Variants in IGFBP2 observed in about 807,000 individuals in gnomAD.
IGFBP2 encodes the protein insulin-like growth factor-binding protein 2.
A neutral mutation model predicts 26.2 loss-of-function variants in IGFBP2; 12 were observed. The observed-to-expected ratio is 0.46, with a 90% confidence interval of 0.29 to 0.74. The LOEUF (loss-of-function observed/expected upper bound fraction) is 0.74, where lower values mean the gene tolerates loss of function less well. Among genes scored for constraint, IGFBP2 ranks in the 30% least tolerant of loss-of-function variants. The pLI, the probability that IGFBP2 is intolerant of heterozygous loss-of-function variation, is 0.09. For missense variants in IGFBP2, 328 were observed against 441.2 expected (o/e 0.74, Z 2.30); for synonymous variants, 189 against 200.6 (o/e 0.94, Z 0.49).
chr2:216,633,971 G>A lies in IGFBP2; in HGVS notation c.442+6G>A. The stretch of plus-strand genomic sequence containing the variant: ...CAGCCCGGAGCAGGTTGCAGGTAAC[G>A]CGGTCTGGAACAAGTAGTTGGGAGA... On this transcript the variant is annotated splice_donor_region_variant and intron_variant, in intron 1 of 3. Coordinates refer to ENST00000233809, the MANE Select transcript of IGFBP2 (RefSeq NM_000597.3). 1 of 1,594,284 alleles carries A rather than the reference G, an allele frequency of 6.3e-7. No homozygotes were observed. Among genetic ancestry groups the A allele is most frequent in the Non-Finnish European group, 8.5e-7 (1 of 1,171,466 alleles).
intron 1 of IGFBP2, among the ~76,000 whole-genome samples, chr2:216,656,665 C>T (rs1697928781): frequency 6.6e-6 from 1 of 152,186 alleles, no homozygotes; most frequent in Non-Finnish European, 1.5e-5. Context: ...TGAGCGGCTC[C>T]TTCCCAGAAG....
chr2:216,652,829 A>G (rs974991855), intron 1 of IGFBP2, among the ~76,000 whole-genome samples: 1 of 152,186 alleles, frequency 6.6e-6, no homozygotes, highest in Non-Finnish European at 1.5e-5. Flanking sequence ...CCCCTGGCCC[A>G]TTACTCAGAA....
intron 1 of IGFBP2, among the ~76,000 whole-genome samples, chr2:216,634,659 C>G (rs1410989711): frequency 1.3e-5 from 2 of 152,208 alleles, no homozygotes; most frequent in African/African-American, 4.8e-5. Context: ...GTAACTTAAG[C>G]CCGATCGCCG....
intron 1 of IGFBP2, among the ~76,000 whole-genome samples, chr2:216,645,745 A>G (rs545397373): frequency 2.0e-3 from 312 of 152,292 alleles, no homozygotes; most frequent in African/African-American, 7.2e-3. Flanking sequence ...AGTGTGGCTT[A>G]CCTGGACAGC....
chr2:216,661,651 A>G (rs745350213), intron 2 of IGFBP2: 15 of 647,378 alleles, frequency 2.3e-5, no homozygotes, highest in African/African-American at 5.4e-5. Flanking sequence ...CATCCATACA[A>G]TTTTCTTTAG....
intron 1 of IGFBP2, among the ~76,000 whole-genome samples, chr2:216,659,432 G>C (rs990139293): frequency 6.6e-6 from 1 of 152,338 alleles, no homozygotes; most frequent in South Asian, 2.1e-4. Flanking sequence ...GGACCTGCAG[G>C]AGAGCAGCTC....
chr2:216,662,297 T>G, intron 3 of IGFBP2: 1 of 406,116 alleles, frequency 2.5e-6, no homozygotes, highest in Admixed American at 3.9e-5. Context: ...CCAAGCATCT[T>G]TGCTTTGATC....
chr2:216,646,237 G>T (rs1697707570), intron 1 of IGFBP2, among the ~76,000 whole-genome samples: 1 of 152,214 alleles, frequency 6.6e-6, no homozygotes, highest in Non-Finnish European at 1.5e-5. Context: ...AGTGGAAGGG[G>T]AGGGTGGTGG....
In IGFBP2 at chr2:216,650,102, C is replaced by A. The variant is rs1697790418; in HGVS notation, c.443-10455C>A. Among the ~76,000 whole-genome samples the A allele has an allele frequency of 2.0e-5, 3 of 152,346 alleles. No individual in the cohort carries two copies. In the South Asian group the frequency reaches 6.2e-4, roughly 32 times the overall value. On this transcript the variant is annotated intron_variant, in intron 1 of 3. Transcript: ENST00000233809. ...GACAGAACAGAGAGAATCACAAAGG[C>A]ATGGGGGCCTGGCAATGCCAGAGCT...
intron 1 of IGFBP2, among the ~76,000 whole-genome samples, chr2:216,645,662 C>A (rs1365796220): frequency 6.6e-6 from 1 of 152,198 alleles, no homozygotes; most frequent in Non-Finnish European, 1.5e-5. Context: ...AGGAGAATGG[C>A]AGACACCGCT....
intron 1 of IGFBP2, among the ~76,000 whole-genome samples, chr2:216,658,612 C>T (rs573087633): frequency 2.6e-5 from 4 of 152,112 alleles, no homozygotes; most frequent in South Asian, 2.1e-4. Flanking sequence ...TACAATGGTG[C>T]GATCTCAGCT....
chr2:216,633,637 G>T lies in IGFBP2; in HGVS notation c.114G>T (p.Val38=). 1 of 1,050,234 alleles carries T rather than the reference G, an allele frequency of 9.5e-7. No homozygotes were observed. The highest frequency in any genetic ancestry group is 4.4e-5 in the South Asian group (1 of 22,916). The allele number at this position is 1,050,234 out of a possible 1,614,324, so 65.1% of individuals were successfully genotyped here. A position where few individuals can be genotyped will look rare whatever the true frequency, so the allele number is the denominator to read the frequency against. ...GCGGCGGCGGGGCGCGCGCGGAGGT[G>T]CTGTTCCGCTGCCCGCCCTGCACAC... ...SGGGGGARAE[V]LFRCPPCTPE... The change falls in exon 1 of 4, where the codon GTG becomes GTT. Residue 38 remains valine (V), a synonymous_variant. Coordinates refer to ENST00000233809, the MANE Select transcript of IGFBP2 (RefSeq NM_000597.3).
intron 1 of IGFBP2, among the ~76,000 whole-genome samples, chr2:216,656,122 C>T (rs576725297): frequency 6.6e-6 from 1 of 152,282 alleles, no homozygotes; most frequent in South Asian, 2.1e-4. Flanking sequence ...GTGTGTGCCC[C>T]TCTCCTTTTT....
intron 1 of IGFBP2, among the ~76,000 whole-genome samples, chr2:216,657,907 T>A (rs1372804056): frequency 6.6e-6 from 1 of 151,184 alleles, no homozygotes; most frequent in East Asian, 1.9e-4. Flanking sequence ...AACATTTAAA[T>A]TTTTTTTTTC....
At chr2:216,650,981 G>C (rs1278535371) in intron 1 of IGFBP2, among the ~76,000 whole-genome samples, 1 of 152,102 alleles carries the variant, frequency 6.6e-6, no homozygotes, top group Non-Finnish European at 1.5e-5. Context: ...ACCAGTTGGG[G>C]TGATGTCATT....
At chr2:216,663,826 C>G (rs1015727679) in intron 3 of IGFBP2, 114 bp from the exon 4 acceptor site, 1 of 1,122,192 alleles carries the variant, frequency 8.9e-7, no homozygotes, top group Admixed American at 2.7e-5. Context: ...CGAAGCTCCA[C>G]CCGGCAGCGC....
chr2:216,663,838 T>C, intron 3 of IGFBP2, 102 bp from the exon 4 acceptor site: 1 of 1,258,732 alleles, frequency 7.9e-7, no homozygotes, highest in Non-Finnish European at 1.1e-6. Flanking sequence ...CGGCAGCGCA[T>C]GGGTAGCTGC....
intron 1 of IGFBP2, among the ~76,000 whole-genome samples, chr2:216,647,737 G>C (rs953385895): frequency 6.6e-6 from 1 of 152,128 alleles, no homozygotes. Context: ...AGCCAGGATG[G>C]TCTCGATTTG....
intron 1 of IGFBP2, among the ~76,000 whole-genome samples, chr2:216,648,896 C>T (rs902703257): frequency 2.0e-5 from 3 of 152,020 alleles, no homozygotes; most frequent in Non-Finnish European, 4.4e-5. Context: ...CATGAGCCAC[C>T]GCGCCCAGCC....
Sources: allele counts gnomAD v4.1 joint callset (sites outside exome capture counted in the v4.1 genomes callset), GRCh38; gene constraint gnomAD v4.1.1; transcripts MANE v1.5; gene names NCBI Gene and HGNC (gene_info 2026-07-23, HGNC 2026-07-21).